Variants in RAD52 observed in about 807,000 individuals in gnomAD.
The protein encoded by RAD52 is RAD52 DNA repair protein.
A neutral mutation model predicts 55.5 loss-of-function variants in RAD52; 47 were observed. The observed-to-expected ratio is 0.85, with a 90% CI of 0.67 to 1.08. The LOEUF is 1.08. Among genes scored for constraint, RAD52 ranks in the 50% least tolerant of loss-of-function variants. The probability of loss-of-function intolerance (pLI) is 0.00; values close to 1 mark genes in which losing one functional copy is unlikely to be tolerated. For missense variants in RAD52, 468 were observed against 522.8 expected (o/e 0.90, Z 1.02); for synonymous variants, 184 against 198.9 (o/e 0.92, Z 0.63).
intron 1 of RAD52, among the ~76,000 whole-genome samples, chr12:978,713 G>A (rs1164254230): frequency 6.6e-6 from 1 of 152,042 alleles, no homozygotes; most frequent in Non-Finnish European, 1.5e-5. Flanking sequence ...TGAGGCAGGA[G>A]AATTACTGGA....
intron 1 of RAD52, among the ~76,000 whole-genome samples, chr12:943,917 T>C (rs561083603): frequency 1.3e-5 from 2 of 152,108 alleles, no homozygotes; most frequent in South Asian, 2.1e-4. Flanking sequence ...ATTTTGAAAA[T>C]AGGTCTGGGC....
intron 7 of RAD52, among the ~76,000 whole-genome samples, chr12:917,332 TG>T (rs375087455): frequency 4.3e-4 from 66 of 152,348 alleles, no homozygotes; most frequent in African/African-American, 1.4e-3. Context: ...AGAACGGGGC[TG>T]CTCTGCATCT....
chr12:965,372 T>C (rs572348005), intron 1 of RAD52, among the ~76,000 whole-genome samples: 5 of 152,222 alleles, frequency 3.3e-5, no homozygotes, highest in African/African-American at 1.2e-4. Context: ...GACTGCTTTG[T>C]ATTGTTATGT....
chr12:940,118 T>C (rs902936048), intron 1 of RAD52, among the ~76,000 whole-genome samples: 8 of 149,690 alleles, frequency 5.3e-5, no homozygotes, highest in Admixed American at 1.3e-4. Flanking sequence ...GAGCCTAAGA[T>C]GGAACTAAAA....
At chr12:931,126 C>A (rs1957305338) in intron 3 of RAD52, 94 bp downstream of exon 3, 7 of 1,015,290 alleles carry the variant, frequency 6.9e-6, no homozygotes, top group Non-Finnish European at 8.9e-6. Context: ...TAACAGCAGA[C>A]TTCCGAATCC....
rs147098908 is a variant in RAD52 at position 942,972 on chromosome 12, T to C, written c.-19+6630A>G. Among the ~76,000 whole-genome samples the C allele has an allele frequency of 4.6e-5, 7 of 152,234 alleles. No individual in the cohort carries two copies. In the East Asian group the frequency reaches 1.3e-3, roughly 29 times the overall value. ...AGGATATAAAGGTTATATAAATAAC[T>C]GCTACAACTCAATAATAAAAAGACA... is the stretch of plus-strand genomic sequence containing the variant. On this transcript the variant is annotated intron_variant, in intron 1 of 11. Coordinates refer to ENST00000358495, the MANE Select transcript of RAD52 (RefSeq NM_134424.4).
intron 6 of RAD52, among the ~76,000 whole-genome samples, 178 bp from the exon 7 acceptor site, chr12:925,703 G>A (rs1592353978): frequency 6.6e-6 from 1 of 152,140 alleles, no homozygotes; most frequent in East Asian, 1.9e-4. Flanking sequence ...CACTGTGTTA[G>A]TTTCTGAGAA....
At chr12:951,749 GTTTAC>G (rs981171893), upstream of RAD52, among the ~76,000 whole-genome samples, 51 of 150,762 alleles carry the variant, frequency 3.4e-4, no homozygotes, top group Middle Eastern at 3.5e-3. Context: ...CTCACTTTAG[GTTTAC>G]TTTACTTTTC....
chr12:961,309 C>CAAAAAAAAAAAAA (rs60547688), intron 1 of RAD52, among the ~76,000 whole-genome samples: 8 of 33,810 alleles, frequency 2.4e-4, no homozygotes, highest in East Asian at 9.6e-4. Context: ...GACTCCATCT[C>CAAAAAAAAAAAAA]AAAAAAAAAA....
intron 1 of RAD52, among the ~76,000 whole-genome samples, chr12:982,567 GATA>G (rs1959031366): frequency 6.6e-6 from 1 of 150,706 alleles, no homozygotes; most frequent in African/African-American, 2.4e-5. Context: ...CGCACTTTCC[GATA>G]ATATGTTCCT....
At chr12:984,823 C>A (rs773718956) in intron 1 of RAD52, among the ~76,000 whole-genome samples, 1 of 152,178 alleles carries the variant, frequency 6.6e-6, no homozygotes, top group Non-Finnish European at 1.5e-5. Flanking sequence ...CGCCACCATG[C>A]CCGGCTAATT....
chr12:929,560 A>G, intron 5 of RAD52: 1 of 689,772 alleles, frequency 1.4e-6, no homozygotes, highest in Non-Finnish European at 2.6e-6. Flanking sequence ...CATATGCCAA[A>G]AAATACATCC....
chr12:922,191 T>TAAAAAAAAAAAAAAAAAAAAAAAAA (rs79763100), intron 7 of RAD52, among the ~76,000 whole-genome samples: 1 of 81,680 alleles, frequency 1.2e-5, no homozygotes, highest in Non-Finnish European at 2.2e-5. Flanking sequence ...TAGGTTGGCT[T>TAAAAAAAAAAAAAAAAAAAAAAAAA]AAAAAAAAAA....
At chr12:982,101 C>G (rs1959024909) in intron 1 of RAD52, among the ~76,000 whole-genome samples, 1 of 152,204 alleles carries the variant, frequency 6.6e-6, no homozygotes. Flanking sequence ...CCTTTGGGAT[C>G]AGTCTTCCCT....
chr12:955,981 A>C (rs1958600423), intron 1 of RAD52, among the ~76,000 whole-genome samples: 1 of 152,108 alleles, frequency 6.6e-6, no homozygotes, highest in African/African-American at 2.4e-5. Context: ...GGGTTTCACC[A>C]TGTTGGCTGC....
chr12:961,369 T>C (rs1958683687), intron 1 of RAD52, among the ~76,000 whole-genome samples: 1 of 148,928 alleles, frequency 6.7e-6, no homozygotes, highest in Non-Finnish European at 1.5e-5. Context: ...AGGAAGTTAC[T>C]TGTTATGGGC....
intron 6 of RAD52, chr12:926,838 T>C: frequency 6.5e-7 from 1 of 1,536,574 alleles, no homozygotes; most frequent in Non-Finnish European, 8.7e-7. Flanking sequence ...GAGAGGAGGG[T>C]GCTGTCTGTG....
upstream of RAD52, among the ~76,000 whole-genome samples, chr12:950,797 A>G (rs1244997499): frequency 2.0e-5 from 3 of 152,112 alleles, no homozygotes; most frequent in African/African-American, 7.2e-5. Flanking sequence ...TATTAACTAT[A>G]GTCACTATGC....
upstream of RAD52, among the ~76,000 whole-genome samples, chr12:949,944 C>T (rs1958476949): frequency 6.6e-6 from 1 of 152,172 alleles, no homozygotes; most frequent in Non-Finnish European, 1.5e-5. Context: ...TCCCTCGGTC[C>T]GCGGCCGTCG....
Sources: gnomAD v4.1 joint callset for allele counts (sites outside exome capture counted in the v4.1 genomes callset) on GRCh38, gnomAD v4.1.1 for gene constraint, MANE v1.5 for transcripts, NCBI Gene and HGNC (gene_info 2026-07-23, HGNC 2026-07-21) for gene names.